KAZN: variants seen among roughly 807,000 people sequenced by gnomAD.
KAZN encodes kazrin.
In KAZN, 40 loss-of-function variants were observed where a neutral mutation model predicts 87.4. The observed-to-expected ratio is 0.46, with a 90% CI of 0.36 to 0.60. The LOEUF (loss-of-function observed/expected upper bound fraction) is 0.60. KAZN is among the 20% of genes least tolerant of loss of function. KAZN has a pLI of 0.00. For missense variants in KAZN, 898 were observed against 1,073.9 expected (o/e 0.84, Z 2.29); for synonymous variants, 466 against 458.3 (o/e 1.02, Z -0.22).
At chr1:14,305,536 C>T (rs1354650226) in intron 2 of KAZN, among the ~76,000 whole-genome samples, 1 of 151,968 alleles carries the variant, frequency 6.6e-6, no homozygotes, top group Non-Finnish European at 1.5e-5. Context: ...CATCAGCTGT[C>T]AAGACAATAT....
In KAZN at chr1:14,081,535, C is replaced by T. The variant is rs927520288; in HGVS notation, c.92-98900C>T. Among the ~76,000 whole-genome samples, 4 of 151,902 alleles carry T rather than the reference C, an allele frequency of 2.6e-5. No homozygotes were observed. The East Asian group carries it at 7.8e-4, about 29-fold the overall frequency. On this transcript the variant is annotated intron_variant, in intron 1 of 16. Coordinates refer to the KAZN transcript ENST00000636203. Reference sequence around the variant, plus strand: ...ACATTTTCAAGTGGTTTGCAATAGCCAAAAGAATAATAATTATTTCATGGC... The same window carrying T: ...ACATTTTCAAGTGGTTTGCAATAGCTAAAAGAATAATAATTATTTCATGGC...
intron 1 of KAZN, among the ~76,000 whole-genome samples, chr1:14,822,902 C>T (rs558025251): frequency 5.9e-5 from 9 of 152,330 alleles, no homozygotes; most frequent in Admixed American, 2.6e-4. Context: ...AGAAGCTCCT[C>T]TAGCCCTGGC....
chr1:15,080,882 TC>T (rs1348353892), intron 8 of KAZN, among the ~76,000 whole-genome samples: 1 of 152,100 alleles, frequency 6.6e-6, no homozygotes, highest in Admixed American at 6.5e-5. Flanking sequence ...CACTCGGTGC[TC>T]CCCAGCAGCT....
At chr1:14,260,656 G>A (rs1262165494) in intron 2 of KAZN, among the ~76,000 whole-genome samples, 3 of 152,118 alleles carry the variant, frequency 2.0e-5, no homozygotes, top group East Asian at 1.9e-4. Flanking sequence ...TAAAGGACAC[G>A]GGCCCGGCTG....
intron 11 of KAZN, among the ~76,000 whole-genome samples, chr1:15,102,112 GC>G (rs1641093534): frequency 6.6e-6 from 1 of 152,242 alleles, no homozygotes; most frequent in African/African-American, 2.4e-5. Context: ...CCACAAGGAA[GC>G]TGGTGGTGCC....
rs928722583 is a variant in KAZN at position 13,893,674 on chromosome 1, C to G, written c.9C>G (p.Ser3=). 3.3e-5 allele frequency: 51 copies of G among 1,550,304 alleles called. No individual in the cohort carries two copies. In the African/African-American group the frequency reaches 5.1e-4, roughly 15 times the overall value. The change falls in exon 1 of 17, where the codon TCC becomes TCG. Residue 3 remains serine, a synonymous_variant. Transcript: ENST00000636203. The stretch of plus-strand genomic sequence containing the variant: ...AAGACCCCAAAAGAGCCATGGAATC[C>G]ACGCTGGCGACATCCAATTCTGCCA...
At chr1:14,407,258 G>A (rs1663930685) in intron 2 of KAZN, among the ~76,000 whole-genome samples, 1 of 152,142 alleles carries the variant, frequency 6.6e-6, no homozygotes, top group African/African-American at 2.4e-5. Context: ...TCTAAGACCT[G>A]GGAGAGGACT....
At chr1:14,942,435 A>G (rs1661204870) in intron 1 of KAZN, among the ~76,000 whole-genome samples, 1 of 152,204 alleles carries the variant, frequency 6.6e-6, no homozygotes, top group Non-Finnish European at 1.5e-5. Flanking sequence ...AAACATGTAG[A>G]TGAAAGAAAC....
At chr1:13,996,499 C>T (rs1168692231) in intron 1 of KAZN, among the ~76,000 whole-genome samples, 1 of 152,292 alleles carries the variant, frequency 6.6e-6, no homozygotes, top group Admixed American at 6.5e-5. Context: ...GTGCTTTTTC[C>T]CTGCTGAAGT....
chr1:14,442,793 G>A (rs551024899), intron 2 of KAZN, among the ~76,000 whole-genome samples: 3 of 152,304 alleles, frequency 2.0e-5, no homozygotes, highest in Admixed American at 2.0e-4. Flanking sequence ...CTAAAACTGA[G>A]CACCGAAAGC....
intron 2 of KAZN, among the ~76,000 whole-genome samples, chr1:14,281,736 C>T (rs1025467380): frequency 2.0e-5 from 3 of 152,204 alleles, no homozygotes; most frequent in African/African-American, 7.2e-5. Flanking sequence ...AAGTACAGAA[C>T]TTGGCATAGA....
chr1:15,085,017 A>G (rs1286198905), intron 8 of KAZN, among the ~76,000 whole-genome samples: 4 of 152,258 alleles, frequency 2.6e-5, no homozygotes, highest in Admixed American at 6.5e-5. Flanking sequence ...GGAAAACTTG[A>G]AAGAGAAAAC....
At chr1:14,287,228 T>G (rs1653324151) in intron 2 of KAZN, among the ~76,000 whole-genome samples, 1 of 152,178 alleles carries the variant, frequency 6.6e-6, no homozygotes, top group Non-Finnish European at 1.5e-5. Flanking sequence ...GTAGGCTGGT[T>G]CACCCAACAT....
At chr1:14,864,998 C>T (rs909943426) in intron 1 of KAZN, among the ~76,000 whole-genome samples, 1 of 152,188 alleles carries the variant, frequency 6.6e-6, no homozygotes, top group African/African-American at 2.4e-5. Context: ...CCCACCAAAA[C>T]ATTGCTTGTT....
At chr1:14,335,337 G>A (rs1267205054) in intron 2 of KAZN, among the ~76,000 whole-genome samples, 2 of 151,850 alleles carry the variant, frequency 1.3e-5, no homozygotes, top group Admixed American at 1.3e-4. Flanking sequence ...CGAGTAGCTG[G>A]GACTATAGGC....
intron 1 of KAZN, among the ~76,000 whole-genome samples, chr1:14,763,825 C>T (rs1375646318): frequency 1.3e-5 from 2 of 152,210 alleles, no homozygotes; most frequent in Admixed American, 1.3e-4. Context: ...TCTTGGCTCT[C>T]TGCAACTTCC....
chr1:14,493,138 T>C (rs1454894412), intron 2 of KAZN, among the ~76,000 whole-genome samples: 1 of 150,698 alleles, frequency 6.6e-6, no homozygotes, highest in Non-Finnish European at 1.5e-5. Flanking sequence ...CACCTGATCC[T>C]TCGGCCCTTT....
chr1:14,946,344 T>C (rs11576496), intron 1 of KAZN, among the ~76,000 whole-genome samples: 13 of 58,546 alleles, frequency 2.2e-4, no homozygotes, highest in African/African-American at 1.5e-3. Context: ...AATTCTCTCT[T>C]TTTTTTTTTT....
intron 1 of KAZN, among the ~76,000 whole-genome samples, chr1:13,930,471 A>T (rs1028571047): frequency 1.3e-5 from 2 of 152,172 alleles, no homozygotes; most frequent in Non-Finnish European, 2.9e-5. Context: ...GGGATCCCTG[A>T]TACAATGGAA....
Sources: allele counts gnomAD v4.1 joint callset (sites outside exome capture counted in the v4.1 genomes callset), GRCh38; gene constraint gnomAD v4.1.1; transcripts MANE v1.5; gene names NCBI Gene and HGNC (gene_info 2026-07-23, HGNC 2026-07-21).